Variants in KIRREL2 observed in about 807,000 individuals in gnomAD.
The protein encoded by KIRREL2 is kirre like nephrin family adhesion molecule 2.
KIRREL2 carries 56 observed loss-of-function variants against 73.4 expected under a neutral mutation model. That is an observed-to-expected ratio of 0.76 (90% CI 0.62 to 0.95). KIRREL2 has a LOEUF of 0.95. Among genes scored for constraint, KIRREL2 ranks in the 40% least tolerant of loss-of-function variants. The pLI is 0.00. For synonymous variants in KIRREL2, 407 were observed against 404.0 expected (o/e 1.01, Z -0.09); for missense variants, 896 against 935.0 (o/e 0.96, Z 0.54).
chr19:35,858,376 T>C (rs774818627), intron 2 of KIRREL2, 32 bp from the exon 3 acceptor site: 7 of 1,603,468 alleles, frequency 4.4e-6, no homozygotes, highest in Non-Finnish European at 6.0e-6. Flanking sequence ...TTCAGAACCA[T>C]GGTGTGCTGA....
Position 35,862,614 on chromosome 19 carries a change from C to A in KIRREL2, c.1615+17C>A. 6.3e-7 allele frequency: 1 copy of A among 1,575,096 alleles called. No individual in the cohort carries two copies. The highest frequency in any genetic ancestry group is 8.7e-7 in the Non-Finnish European group (1 of 1,153,764). On this transcript the variant is annotated intron_variant, in intron 12 of 14. Transcript: ENST00000360202. ...ACAGCAAGGGTTAGTGCCTGAGCCC[C>A]GCCCCGGCTCCCGAGGCCCCAGCCC...
chr19:35,862,566 G>T lies in KIRREL2; in HGVS notation c.1584G>T (p.Gly528=), dbSNP rs768612940. 4.3e-6 allele frequency: 7 copies of T among 1,609,696 alleles called. No individual in the cohort carries two copies. Among genetic ancestry groups the T allele is most frequent in the African/African-American group, 1.3e-5 (1 of 74,920 alleles). ...ATTTLLMVIT[G]VALCCWRHSK... is the part of the protein sequence containing the mutation. ...CAACTCTCCTTATGGTCATCACTGG[G>T]GTGGCCCTCTGCTGCTGGCGCCACA... The change falls in exon 12 of 15, where the codon GGG becomes GGT. Residue 528 remains glycine (G), a synonymous_variant. Coordinates refer to ENST00000360202, the MANE Select transcript of KIRREL2 (RefSeq NM_199180.4).
At chr19:35,861,462 G>T in intron 9 of KIRREL2, 79 bp from the exon 10 acceptor site, 1 of 1,505,030 alleles carries the variant, frequency 6.6e-7, no homozygotes, top group Non-Finnish European at 9.1e-7. Context: ...CGGAGAGTGC[G>T]CTGGACAGAC....
chr19:35,862,344 C>G, intron 11 of KIRREL2, 149 bp from the exon 12 acceptor site: 2 of 689,996 alleles, frequency 2.9e-6, no homozygotes, highest in Admixed American at 4.5e-5. Flanking sequence ...TTTAAACTCA[C>G]TCTCAAACTT....
upstream of KIRREL2, chr19:35,851,481 G>T (rs1168071834): frequency 6.2e-7 from 1 of 1,613,614 alleles, no homozygotes; most frequent in Admixed American, 1.7e-5. Flanking sequence ...CCTTCCAGGC[G>T]GTACCTCGGG....
At position 35,863,424 on chromosome 19, in the gene KIRREL2, AT is replaced by A. The variant is rs1410982721; in HGVS notation, c.1725+406del. Among the ~76,000 whole-genome samples, 490 of 120,296 alleles carry A rather than the reference AT, an allele frequency of 4.1e-3. 1 individual carries two copies. The highest frequency in any genetic ancestry group is 6.3e-3 in the African/African-American group (193 of 30,868). The allele number at this position is 120,296 out of a possible 152,430, so 78.9% of individuals were successfully genotyped here. A position where few individuals can be genotyped will look rare whatever the true frequency, so the allele number is the denominator to read the frequency against. On this transcript the variant is annotated intron_variant, in intron 13 of 14. Coordinates refer to ENST00000360202, the MANE Select transcript of KIRREL2 (RefSeq NM_199180.4). ...GGCTACAGAGCAAGACCCTGTCTCC[AT>A]TTTTTTTTTTTTTTTTTATGTAGGA...
chr19:35,865,736 C>A (rs1973938883), intron 14 of KIRREL2, among the ~76,000 whole-genome samples: 1 of 152,202 alleles, frequency 6.6e-6, no homozygotes, highest in Non-Finnish European at 1.5e-5. Context: ...GGTACTGTCT[C>A]ATGATCTGTC....
At position 35,866,430 on chromosome 19, in the gene KIRREL2, C is replaced by A; in HGVS notation, c.2065C>A (p.Pro689Thr). The A allele has an allele frequency of 6.2e-7, 1 of 1,604,528 alleles. No homozygotes were observed. The highest frequency in any genetic ancestry group is 8.5e-7 in the Non-Finnish European group (1 of 1,171,382). Residue 689 changes from proline (P) to threonine (T), a missense_variant, in exon 15 of 15, where the codon CCC becomes ACC. Pro to Thr is a conservative substitution (Grantham distance 38). Coordinates refer to ENST00000360202, the MANE Select transcript of KIRREL2 (RefSeq NM_199180.4). ...GCCCCCAGATCTGGCCCCCGGGACT[C>A]CCCCCTTCCCATATGCTGCCTTCCC... ...FGPPDLAPGT[P>T]PFPYAAFPTP... is the part of the protein sequence containing the mutation.
rs1394984974 is a variant in KIRREL2 at position 35,863,017 on chromosome 19, C to G, written c.1706C>G (p.Thr569Arg). ...TCACGAGGTCCTGAAGAAGAGGAGA[C>G]AGGCAGCCGCGAGGACCGGGTAGGA... ...SSSRGPEEEETGSREDRGPIV... is the reference protein window; with the variant it reads ...SSSRGPEEEERGSREDRGPIV... The change falls in exon 13 of 15, where the codon ACA becomes AGA. Residue 569 changes from threonine to arginine, a missense_variant. Coordinates refer to ENST00000360202, the MANE Select transcript of KIRREL2 (RefSeq NM_199180.4). 6.3e-6 allele frequency: 10 copies of G among 1,584,144 alleles called. 1 individual carries two copies. The East Asian group carries it at 2.0e-4, about 32-fold the overall frequency.
At chr19:35,862,734 G>A in intron 12 of KIRREL2, 137 bp downstream of exon 12, 3 of 735,340 alleles carry the variant, frequency 4.1e-6, no homozygotes, top group Admixed American at 2.3e-5. Flanking sequence ...TCTCCTTCAC[G>A]TTCTGGTTCC....
Position 35,860,823 on chromosome 19 carries a change from G to T in KIRREL2, c.929-86G>T, listed in dbSNP as rs1037147719. 7 of 1,602,124 alleles carry T rather than the reference G, an allele frequency of 4.4e-6. 1 individual carries two copies. The highest frequency in any genetic ancestry group is 6.0e-6 in the Non-Finnish European group (7 of 1,175,060). ...GGGGCATATTCTTGCGCCCTAGAGG[G>T]TGTGGTGTTTCTGTGGGGCTGGCTG... On this transcript the variant is annotated intron_variant, in intron 7 of 14. Transcript: ENST00000360202.
intron 9 of KIRREL2, 119 bp downstream of exon 9, chr19:35,861,373 G>A: frequency 6.7e-7 from 1 of 1,487,552 alleles, no homozygotes; most frequent in Non-Finnish European, 9.0e-7. Context: ...AGCGGGGGCT[G>A]GAGACCGGAC....
At chr19:35,859,670 C>A in intron 5 of KIRREL2, 39 bp downstream of exon 5, 2 of 1,607,658 alleles carry the variant, frequency 1.2e-6, no homozygotes, top group Non-Finnish European at 1.7e-6. Context: ...GGTGTGGGGC[C>A]CTGACTCCTG....
Position 35,857,067 on chromosome 19 carries a change from A to T in KIRREL2, c.-53A>T, listed in dbSNP as rs1471362743. 1.9e-6 allele frequency: 3 copies of T among 1,586,814 alleles called. No individual in the cohort carries two copies. The highest frequency in any genetic ancestry group is 2.6e-6 in the Non-Finnish European group (3 of 1,155,582). ...GACAGGAGGCGTGCTTGAGAGGAAGAAGTTGACGGGAAGGCCAGTGCGACG... is the reference window on the plus strand; with the variant it reads ...GACAGGAGGCGTGCTTGAGAGGAAGTAGTTGACGGGAAGGCCAGTGCGACG... On this transcript the variant is annotated 5_prime_UTR_variant, in exon 1 of 15. Coordinates refer to ENST00000360202, the MANE Select transcript of KIRREL2 (RefSeq NM_199180.4).
chr19:35,861,051 C>G lies in KIRREL2; in HGVS notation c.1056+15C>G. 1 of 1,606,692 alleles carries G rather than the reference C, an allele frequency of 6.2e-7. No homozygotes were observed. The highest frequency in any genetic ancestry group is 8.5e-7 in the Non-Finnish European group (1 of 1,176,740). ...GTGGCGCGCAGGTACAGCCCTAAAT[C>G]TGAGGCGGTGGCTGGAGGGGGACCA... On this transcript the variant is annotated intron_variant, in intron 8 of 14. Coordinates refer to ENST00000360202, the MANE Select transcript of KIRREL2 (RefSeq NM_199180.4).
At chr19:35,852,602 T>C (rs1973299180), upstream of KIRREL2, among the ~76,000 whole-genome samples, 1 of 151,990 alleles carries the variant, frequency 6.6e-6, no homozygotes, top group Admixed American at 6.6e-5. Context: ...TAAAATCCCC[T>C]GTCAGCACAT....
chr19:35,851,820 C>T (rs370650840), upstream of KIRREL2: 14 of 1,552,136 alleles, frequency 9.0e-6, no homozygotes, highest in South Asian at 1.2e-5. Flanking sequence ...AAGCCCTGAG[C>T]GTCGTCCCCA....
rs754434928 is a variant in KIRREL2 at position 35,864,683 on chromosome 19, T to C, written c.1761T>C (p.Val587=). Residue 587 remains valine, a synonymous_variant, in exon 14 of 15, where the codon GTT becomes GTC. Transcript: ENST00000360202. ...TGCACACTGACCACAGTGATCTGGT[T>C]CTGGAGGAGGAAGGGACTCTGGAGA... ...PIVHTDHSDL[V]LEEEGTLETK... 1.7e-5 allele frequency: 28 copies of C among 1,613,048 alleles called. 2 individuals are homozygous for C. The South Asian group carries it at 2.9e-4, about 16-fold the overall frequency.
chr19:35,853,175 AG>A (rs1327975189), upstream of KIRREL2, among the ~76,000 whole-genome samples: 1 of 152,176 alleles, frequency 6.6e-6, no homozygotes, highest in Non-Finnish European at 1.5e-5. Flanking sequence ...TGAGTGTGAC[AG>A]GCTGGGAGAG....
Sources: gnomAD v4.1 joint callset for allele counts (sites outside exome capture counted in the v4.1 genomes callset) on GRCh38, gnomAD v4.1.1 for gene constraint, MANE v1.5 for transcripts, NCBI Gene and HGNC (gene_info 2026-07-23, HGNC 2026-07-21) for gene names.